Variants in AFF2 observed in about 807,000 individuals in gnomAD.
AFF2 encodes AF4/FMR2 family member 2.
A neutral mutation model predicts 76.9 loss-of-function variants in AFF2; 14 were observed. The observed-to-expected ratio is 0.18, with a 90% CI of 0.12 to 0.28. The LOEUF (loss-of-function observed/expected upper bound fraction) is 0.28. AFF2 is among the 10% of genes least tolerant of loss of function. The pLI is 1.00. For missense variants in AFF2, 868 were observed against 1,001.1 expected, an observed-to-expected ratio of 0.87 and a Z score of 1.79; for synonymous variants, 398 against 366.7, an observed-to-expected ratio of 1.09 and a Z score of -0.98.
chrX:148,517,222 T>C (rs781975184), intron 1 of AFF2, among the ~76,000 whole-genome samples: 13 of 111,835 alleles, frequency 1.2e-4, no homozygotes, highest in Middle Eastern at 4.6e-3. Flanking sequence ...TGAAAATCCT[T>C]CTGGTGGCAG....
chrX:148,615,749 A>G (rs189482186), intron 1 of AFF2, among the ~76,000 whole-genome samples: 3 of 111,480 alleles, frequency 2.7e-5, no homozygotes, highest in Non-Finnish European at 3.8e-5. Flanking sequence ...TCTGCATTCT[A>G]TGTATGGGTA....
At chrX:148,512,288 A>G (rs1557233224) in intron 1 of AFF2, among the ~76,000 whole-genome samples, 1 of 112,420 alleles carries the variant, frequency 8.9e-6, no homozygotes, top group East Asian at 2.8e-4. Flanking sequence ...GTGCAAATAT[A>G]TTCAGACTGT....
chrX:148,973,716 C>T (rs1050790903), intron 16 of AFF2, 109 bp downstream of exon 16: 1 of 859,933 alleles, frequency 1.2e-6, no homozygotes, highest in Admixed American at 3.3e-5. Context: ...TCCAAGCCAT[C>T]CTCTTAGAAG....
intron 3 of AFF2, among the ~76,000 whole-genome samples, chrX:148,711,578 A>G (rs2054968301): frequency 8.9e-6 from 1 of 112,415 alleles, no homozygotes; most frequent in Admixed American, 9.4e-5. Flanking sequence ...ATGCATAACC[A>G]TGCCTGCTCT....
rs782486316 is a variant in AFF2, at chrX:148,914,169, C to T, written c.1397+9911C>T. Reference sequence around the variant, plus strand: ...AGCTCTCCCTATCTCAGCAGGAGTCCCCCAGTGAACAGTGGGGAGAGGCCT... The same window carrying T: ...AGCTCTCCCTATCTCAGCAGGAGTCTCCCAGTGAACAGTGGGGAGAGGCCT... On this transcript the variant is annotated intron_variant, in intron 9 of 20. Transcript: ENST00000370460. Among the ~76,000 whole-genome samples the T allele has an allele frequency of 1.2e-4, 13 of 111,209 alleles. No homozygotes were observed. In the South Asian group the frequency reaches 5.0e-3, roughly 43 times the overall value.
chrX:148,617,060 A>G (rs1442974438), intron 1 of AFF2, among the ~76,000 whole-genome samples: 4 of 111,807 alleles, frequency 3.6e-5, no homozygotes, highest in African/African-American at 1.3e-4. Flanking sequence ...TTATAGCAGC[A>G]TGATTTATAG....
At chrX:148,870,310 G>T (rs1603323693) in intron 7 of AFF2, among the ~76,000 whole-genome samples, 1 of 111,991 alleles carries the variant, frequency 8.9e-6, no homozygotes, top group Middle Eastern at 4.6e-3. Context: ...AGAAAAGCCT[G>T]CCCAACCACT....
At chrX:148,920,277 C>T (rs2071578421) in intron 9 of AFF2, among the ~76,000 whole-genome samples, 1 of 111,479 alleles carries the variant, frequency 9.0e-6, no homozygotes, top group Non-Finnish European at 1.9e-5. Flanking sequence ...GGGGTAGGAG[C>T]CCTGAACCTC....
chrX:148,895,615 G>A (rs1557280237), intron 8 of AFF2, among the ~76,000 whole-genome samples: 1 of 108,611 alleles, frequency 9.2e-6, no homozygotes, highest in Non-Finnish European at 1.9e-5. Flanking sequence ...GGGAGGGGGA[G>A]GGGAGAGAGA....
Position 148,614,750 on chromosome X carries a change from C to CT in AFF2, c.48-37246dup, listed in dbSNP as rs1557250048. On this transcript the variant is annotated intron_variant, in intron 1 of 20. Transcript: ENST00000370460. ...CTTTCTTTCCTTCTTTTCTTTCTTT[C>CT]TTTCTTTCTTTCTTTCTTTCTTTCT... is the stretch of plus-strand genomic sequence containing the variant. Among the ~76,000 whole-genome samples the CT allele has an allele frequency of 5.9e-3, 304 of 51,200 alleles. 2 individuals are homozygous for CT. Among genetic ancestry groups the CT allele is most frequent in the East Asian group, 8.7e-3 (19 of 2,181 alleles). 44.5% of individuals were successfully genotyped at this position (51,200 alleles called of 115,157 possible). A position where few individuals can be genotyped will look rare whatever the true frequency, so the allele number is the denominator to read the frequency against.
intron 1 of AFF2, among the ~76,000 whole-genome samples, chrX:148,585,130 G>A (rs920525041): frequency 1.8e-4 from 20 of 111,737 alleles, no homozygotes; most frequent in Non-Finnish European, 2.6e-4. Flanking sequence ...ATTGATCGGG[G>A]AATGTCTGAG....
intron 3 of AFF2, among the ~76,000 whole-genome samples, chrX:148,788,675 T>C (rs1557269728): frequency 5.3e-5 from 6 of 112,200 alleles, no homozygotes. Context: ...TTTCAGCTGC[T>C]GCACTGCTCT....
chrX:148,823,864 TGG>T (rs1557272783), intron 4 of AFF2, among the ~76,000 whole-genome samples: 1 of 111,773 alleles, frequency 8.9e-6, no homozygotes, highest in Non-Finnish European at 1.9e-5. Flanking sequence ...GGCATACGCC[TGG>T]TTTGTTGGGC....
At chrX:148,606,510 AGTC>A (rs1378438700) in intron 1 of AFF2, among the ~76,000 whole-genome samples, 1 of 109,519 alleles carries the variant, frequency 9.1e-6, no homozygotes, top group Non-Finnish European at 1.9e-5. Flanking sequence ...AAAAAAAAAA[AGTC>A]AAGTCAGCCT....
intron 3 of AFF2, among the ~76,000 whole-genome samples, chrX:148,724,430 C>G (rs2055131173): frequency 1.8e-5 from 2 of 111,565 alleles, no homozygotes; most frequent in African/African-American, 6.5e-5. Flanking sequence ...AAATTGCATC[C>G]TCATTATAAG....
intron 1 of AFF2, among the ~76,000 whole-genome samples, chrX:148,516,567 C>T (rs958215609): frequency 8.9e-6 from 1 of 111,832 alleles, no homozygotes; most frequent in East Asian, 2.8e-4. Context: ...AACTACTGCA[C>T]GTCAGACACT....
chrX:148,539,598 C>T (rs1234565733), intron 1 of AFF2, among the ~76,000 whole-genome samples: 2 of 111,199 alleles, frequency 1.8e-5, no homozygotes, highest in East Asian at 5.6e-4. Flanking sequence ...GCTATTCTCT[C>T]CTCTTTCTGT....
At chrX:148,581,029 A>ATATG (rs1335691583) in intron 1 of AFF2, among the ~76,000 whole-genome samples, 520 of 33,666 alleles carry the variant, frequency 0.015, 19 homozygotes, top group African/African-American at 0.045. Flanking sequence ...ACATATGTGT[A>ATATG]TATATACACA....
chrX:148,992,039 T>G lies in AFF2; in HGVS notation c.*707T>G, dbSNP rs782487685. 1 of 112,316 alleles carries G rather than the reference T, an allele frequency of 8.9e-6. No individual in the cohort carries two copies. The highest frequency in any genetic ancestry group is 3.2e-5 in the African/African-American group (1 of 30,942). The allele number at this position is 112,316 out of a possible 1,213,427, so 9.3% of individuals were successfully genotyped here. ...AGGGTGACATTTATTTTGACAAGTT[T>G]TAGGCATCAGCTGGCATCAGTGTTT... On this transcript the variant is annotated 3_prime_UTR_variant, in exon 21 of 21. Transcript: ENST00000370460.
Sources: allele counts gnomAD v4.1 joint callset (sites outside exome capture counted in the v4.1 genomes callset), GRCh38; gene constraint gnomAD v4.1.1; transcripts MANE v1.5; gene names NCBI Gene and HGNC (gene_info 2026-07-23, HGNC 2026-07-21).